GPC5: variants seen among roughly 807,000 people sequenced by gnomAD.
GPC5 encodes glypican-5.
GPC5 carries 47 observed loss-of-function variants against 53.9 expected under a neutral mutation model. That is an observed-to-expected ratio of 0.87 (90% CI 0.69 to 1.11). The LOEUF (loss-of-function observed/expected upper bound fraction) is 1.11. GPC5 is among the 50% of genes most tolerant of loss of function. GPC5 has a pLI of 0.00. For synonymous variants in GPC5, 286 were observed against 263.3 expected (o/e 1.09, Z -0.84); for missense variants, 748 against 713.1 (o/e 1.05, Z -0.56).
intron 7 of GPC5, among the ~76,000 whole-genome samples, chr13:92,452,556 A>G (rs988603672): frequency 4.8e-5 from 7 of 145,964 alleles, no homozygotes; most frequent in Admixed American, 4.1e-4. Context: ...CAAGGAAGGT[A>G]TAATGATTAC....
At chr13:91,507,699 C>T (rs1226469420) in intron 2 of GPC5, among the ~76,000 whole-genome samples, 2 of 152,154 alleles carry the variant, frequency 1.3e-5, no homozygotes, top group Non-Finnish European at 2.9e-5. Flanking sequence ...TTAATCACCT[C>T]CCAAAGACTG....
intron 5 of GPC5, among the ~76,000 whole-genome samples, chr13:91,895,824 G>A (rs1482047673): frequency 2.0e-5 from 3 of 152,002 alleles, no homozygotes; most frequent in Non-Finnish European, 4.4e-5. Flanking sequence ...TTCTCTTACT[G>A]TTGTGGAGAT....
chr13:92,846,895 C>T (rs1878631105), intron 7 of GPC5, among the ~76,000 whole-genome samples: 1 of 152,126 alleles, frequency 6.6e-6, no homozygotes, highest in African/African-American at 2.4e-5. Context: ...ATCTCAAAGT[C>T]TTTCTTTTAT....
At chr13:91,793,768 G>A (rs551996072) in intron 5 of GPC5, among the ~76,000 whole-genome samples, 2 of 152,208 alleles carry the variant, frequency 1.3e-5, no homozygotes, top group African/African-American at 4.8e-5. Context: ...CAGGGCAATG[G>A]GACAGAATGA....
At chr13:92,631,899 A>C (rs1242770823) in intron 7 of GPC5, among the ~76,000 whole-genome samples, 2 of 152,220 alleles carry the variant, frequency 1.3e-5, no homozygotes, top group Non-Finnish European at 2.9e-5. Context: ...AATTTTGTTT[A>C]GACTTGGGTC....
intron 2 of GPC5, among the ~76,000 whole-genome samples, chr13:91,530,840 C>A (rs1178915383): frequency 6.6e-6 from 1 of 152,160 alleles, no homozygotes; most frequent in Non-Finnish European, 1.5e-5. Context: ...AAGTGTATGA[C>A]TATAACCCCC....
intron 7 of GPC5, among the ~76,000 whole-genome samples, chr13:92,292,522 GA>G (rs2043005086): frequency 6.6e-6 from 1 of 151,900 alleles, no homozygotes; most frequent in Non-Finnish European, 1.5e-5. Flanking sequence ...TTTTTGATGG[GA>G]TTTTTTTTTC....
At chr13:92,801,725 G>A (rs1876916269) in intron 7 of GPC5, among the ~76,000 whole-genome samples, 1 of 151,206 alleles carries the variant, frequency 6.6e-6, no homozygotes. Flanking sequence ...AGGCTAATGT[G>A]CATGTTTTAC....
chr13:92,862,282 T>C (rs17299725), intron 7 of GPC5, among the ~76,000 whole-genome samples: 7,796 of 152,250 alleles, frequency 0.051, 541 homozygotes, highest in East Asian at 0.33. Flanking sequence ...CTTGTGTAAA[T>C]GAGTCATTAT....
At chr13:91,476,015 C>G (rs1330370878) in intron 2 of GPC5, among the ~76,000 whole-genome samples, 1 of 152,136 alleles carries the variant, frequency 6.6e-6, no homozygotes, top group East Asian at 1.9e-4. Context: ...TGTCATGTAC[C>G]AAGCACTAAA....
chr13:91,735,416 T>A (rs1172808837), intron 4 of GPC5, among the ~76,000 whole-genome samples: 1 of 151,246 alleles, frequency 6.6e-6, no homozygotes, highest in African/African-American at 2.5e-5. Flanking sequence ...CGTCTGTTAA[T>A]AAGTCAGTAG....
At position 92,286,461 on chromosome 13, in the gene GPC5, A is replaced by G. The variant is rs12874528; in HGVS notation, c.1561+141472A>G. ...GTATGTTTATTTCGGCACTATTCACAATAGCAAAGACTTGGAACCAACCCA... is the reference window on the plus strand; with the variant it reads ...GTATGTTTATTTCGGCACTATTCACGATAGCAAAGACTTGGAACCAACCCA... On this transcript the variant is annotated intron_variant, in intron 7 of 7. Transcript: ENST00000377067. 2.6e-5 allele frequency among the ~76,000 whole-genome samples: 4 copies of G among 152,186 alleles called. No individual in the cohort carries two copies. The South Asian group carries it at 8.3e-4, about 32-fold the overall frequency.
chr13:91,887,767 C>T (rs1280402236), intron 5 of GPC5, among the ~76,000 whole-genome samples: 1 of 152,198 alleles, frequency 6.6e-6, no homozygotes, highest in Non-Finnish European at 1.5e-5. Context: ...CCAGCCTGGA[C>T]ATCAGTGTTT....
intron 7 of GPC5, among the ~76,000 whole-genome samples, chr13:92,679,072 T>C (rs1345957816): frequency 6.6e-6 from 1 of 152,098 alleles, no homozygotes; most frequent in Non-Finnish European, 1.5e-5. Context: ...CCAGTAGAGA[T>C]GTTAGATATC....
chr13:91,530,025 GT>G (rs1267579552), intron 2 of GPC5, among the ~76,000 whole-genome samples: 2 of 152,102 alleles, frequency 1.3e-5, no homozygotes, highest in Admixed American at 1.3e-4. Context: ...CAGATAGCCA[GT>G]GTCTCACAGC....
chr13:92,537,740 A>T (rs1465802113), intron 7 of GPC5, among the ~76,000 whole-genome samples: 1 of 152,112 alleles, frequency 6.6e-6, no homozygotes, highest in African/African-American at 2.4e-5. Flanking sequence ...CTGACATACC[A>T]AGTGAGAAGC....
chr13:92,663,051 A>G (rs1203543969), intron 7 of GPC5, among the ~76,000 whole-genome samples: 14 of 152,214 alleles, frequency 9.2e-5, no homozygotes. Context: ...AAAAATAGAC[A>G]TGCAAGCCAA....
intron 5 of GPC5, among the ~76,000 whole-genome samples, chr13:91,789,035 G>A (rs548706598): frequency 7.8e-4 from 119 of 152,144 alleles, no homozygotes; most frequent in South Asian, 1.7e-3. Flanking sequence ...CCAACATGGC[G>A]AAACCCCATC....
At chr13:92,628,975 A>G (rs1334064523) in intron 7 of GPC5, among the ~76,000 whole-genome samples, 1 of 152,094 alleles carries the variant, frequency 6.6e-6, no homozygotes, top group Non-Finnish European at 1.5e-5. Context: ...TGTTCTCCTG[A>G]TCTTCCTCCC....
Sources: allele counts gnomAD v4.1 joint callset (sites outside exome capture counted in the v4.1 genomes callset), GRCh38; gene constraint gnomAD v4.1.1; transcripts MANE v1.5; gene names NCBI Gene and HGNC (gene_info 2026-07-23, HGNC 2026-07-21).